Variants in ABCC9 observed in about 807,000 individuals in gnomAD.
The protein encoded by ABCC9 is ATP-binding cassette sub-family C member 9.
A neutral mutation model predicts 188.3 loss-of-function variants in ABCC9; 95 were observed. The ratio of observed to expected loss-of-function variants is 0.50; its 90% CI spans 0.43 to 0.60. The LOEUF is 0.60. Ranked by LOEUF, ABCC9 falls within the 20% of genes least tolerant of loss-of-function variation. ABCC9 has a pLI of 0.00. For synonymous variants in ABCC9, 659 were observed against 652.7 expected (o/e 1.01, Z -0.15); for missense variants, 1,102 against 1,876.3 (o/e 0.59, Z 7.62).
intron 17 of ABCC9, among the ~76,000 whole-genome samples, chr12:21,875,039 A>G (rs1201096254): frequency 6.6e-6 from 1 of 151,144 alleles, no homozygotes; most frequent in African/African-American, 2.4e-5. Flanking sequence ...AAATGTGTCA[A>G]GAGGATAAGT....
chr12:21,928,279 AAAGGAAGG>A (rs1165315307), intron 4 of ABCC9, among the ~76,000 whole-genome samples: 4 of 89,990 alleles, frequency 4.4e-5, no homozygotes, highest in Admixed American at 1.4e-4. Context: ...TGGAAGGGGG[AAAGGAAGG>A]AAGGAAGGAA....
At chr12:21,818,576 G>A (rs1942828329) in intron 31 of ABCC9, among the ~76,000 whole-genome samples, 1 of 145,996 alleles carries the variant, frequency 6.8e-6, no homozygotes, top group South Asian at 2.1e-4. Context: ...TGGGTTCAGA[G>A]AAGTTACACA....
At chr12:21,925,836 C>T in intron 5 of ABCC9, 106 bp downstream of exon 5, 2 of 1,239,660 alleles carry the variant, frequency 1.6e-6, no homozygotes, top group Non-Finnish European at 2.3e-6. Context: ...CTTTCTACTC[C>T]CCACACACTC....
intron 12 of ABCC9, among the ~76,000 whole-genome samples, chr12:21,896,851 T>C (rs997358171): frequency 3.3e-5 from 5 of 152,240 alleles, no homozygotes; most frequent in African/African-American, 9.6e-5. Context: ...TCCATGTCTT[T>C]GCTATTGTGA....
intron 5 of ABCC9, among the ~76,000 whole-genome samples, chr12:21,920,017 A>G (rs894344913): frequency 2.0e-5 from 3 of 152,104 alleles, no homozygotes; most frequent in Non-Finnish European, 4.4e-5. Flanking sequence ...CAGGAAAAAA[A>G]CTTTAATAAA....
At chr12:21,922,010 G>A (rs527388131) in intron 5 of ABCC9, among the ~76,000 whole-genome samples, 1 of 151,930 alleles carries the variant, frequency 6.6e-6, no homozygotes, top group South Asian at 2.1e-4. Flanking sequence ...GATTCCTCTG[G>A]TTTTGTACTA....
Position 21,815,771 on chromosome 12 carries a change from C to G in ABCC9, c.4015G>C (p.Gly1339Arg). ...ATGCAGTGATTTCATACCTTTTGTC[C>G]AGGTTTGATGTAAGCCTTGACGTGC... ...LKHVKAYIKPGQKVGICGRTG... is the reference protein window; with the variant it reads ...LKHVKAYIKPRQKVGICGRTG... The change falls in exon 34 of 40, where the codon GGA becomes CGA. Residue 1339 changes from glycine to arginine, a missense_variant. Physicochemically the swap from Gly to Arg is moderately radical, Grantham distance 125 (BLOSUM62 -2). This residue lies in a region of ABCC9 where 143 missense variants were observed against 225.6 expected (regional missense o/e 0.63). Coordinates refer to ENST00000261200, the MANE Select transcript of ABCC9 (RefSeq NM_020297.4). 1.2e-6 allele frequency: 2 copies of G among 1,612,704 alleles called. No homozygotes were observed. Among genetic ancestry groups the G allele is most frequent in the Non-Finnish European group, 1.7e-6 (2 of 1,179,402 alleles).
At chr12:21,846,866 C>T (rs1035174532) in intron 25 of ABCC9, among the ~76,000 whole-genome samples, 2 of 152,068 alleles carry the variant, frequency 1.3e-5, no homozygotes, top group Non-Finnish European at 2.9e-5. Context: ...CATTTCCTCA[C>T]ATTCCTAGTA....
At chr12:21,805,366 A>G (rs925055587) in intron 39 of ABCC9, 4 of 1,554,184 alleles carry the variant, frequency 2.6e-6, no homozygotes, top group Admixed American at 3.4e-5. Context: ...TGTCCAAGTG[A>G]CTCATTAAAA....
intron 24 of ABCC9, among the ~76,000 whole-genome samples, chr12:21,851,512 G>C (rs1944963491): frequency 6.6e-6 from 1 of 152,124 alleles, no homozygotes. Context: ...TCAGGAGTTT[G>C]TGAGAATTAA....
At chr12:21,805,659 A>G (rs920297831) in intron 39 of ABCC9, among the ~76,000 whole-genome samples, 3 of 152,176 alleles carry the variant, frequency 2.0e-5, no homozygotes, top group Admixed American at 2.0e-4. Context: ...TTCTTCCTGA[A>G]ACTGCTCATC....
At chr12:21,918,965 A>C (rs1948705122) in intron 5 of ABCC9, among the ~76,000 whole-genome samples, 1 of 152,182 alleles carries the variant, frequency 6.6e-6, no homozygotes, top group African/African-American at 2.4e-5. Flanking sequence ...CATGTTAAAG[A>C]AGAAATCACT....
intron 25 of ABCC9, 26 bp downstream of exon 25, chr12:21,848,124 T>A (rs1177064629): frequency 1.9e-6 from 3 of 1,596,028 alleles, no homozygotes; most frequent in Non-Finnish European, 2.6e-6. Context: ...CATTAGAATG[T>A]TCCAGATAAA....
chr12:21,871,351 C>T (rs920641100), intron 18 of ABCC9, among the ~76,000 whole-genome samples: 4 of 152,102 alleles, frequency 2.6e-5, no homozygotes, highest in East Asian at 1.9e-4. Flanking sequence ...GCTGGGTATG[C>T]GCTAAACAGT....
At chr12:21,849,085 T>C (rs1227421829) in intron 24 of ABCC9, among the ~76,000 whole-genome samples, 1 of 152,124 alleles carries the variant, frequency 6.6e-6, no homozygotes, top group Admixed American at 6.6e-5. Flanking sequence ...CCATTTCCCC[T>C]TTTCTGTGGG....
rs199947733 is a variant in ABCC9, at chr12:21,913,083, G to GAA, written c.817-19_817-18dup. On this transcript the variant is annotated splice_polypyrimidine_tract_variant and intron_variant, in intron 7 of 39. Coordinates refer to ENST00000261200, the MANE Select transcript of ABCC9 (RefSeq NM_020297.4). ...AACTTTTTTCTGAAGAAAAAAAAAA[G>GAA]AAAAAAAAAACAGATGTAACAAAAT... 48 of 1,327,030 alleles carry GAA rather than the reference G, an allele frequency of 3.6e-5. No homozygotes were observed. In the East Asian group the frequency reaches 6.1e-4, roughly 17 times the overall value. 82.2% of individuals were successfully genotyped at this position (1,327,030 alleles called of 1,614,324 possible). A position where few individuals can be genotyped will look rare whatever the true frequency, so the allele number is the denominator to read the frequency against.
intron 4 of ABCC9, among the ~76,000 whole-genome samples, chr12:21,928,350 G>GAGAA (rs1202277061): frequency 7.6e-6 from 1 of 131,034 alleles, no homozygotes; most frequent in Non-Finnish European, 1.6e-5. Context: ...GGAAGAAAAA[G>GAGAA]AGAAAGAAAG....
chr12:21,872,822 A>T (rs1946147272), intron 17 of ABCC9, 92 bp from the exon 18 acceptor site: 5 of 1,005,786 alleles, frequency 5.0e-6, no homozygotes. Flanking sequence ...AATGTTTTAC[A>T]ATCAATGGCC....
chr12:21,875,873 A>G, intron 16 of ABCC9, 147 bp from the exon 17 acceptor site: 1 of 610,236 alleles, frequency 1.6e-6, no homozygotes. Flanking sequence ...TCACAAGGTC[A>G]GGAGATCGAG....
Sources: allele counts gnomAD v4.1 joint callset (sites outside exome capture counted in the v4.1 genomes callset), GRCh38; gene constraint gnomAD v4.1.1; regional missense constraint gnomAD v4.1.1; transcripts MANE v1.5; gene names NCBI Gene and HGNC (gene_info 2026-07-23, HGNC 2026-07-21).